NF1: variants seen among roughly 807,000 people sequenced by gnomAD.
NF1 encodes the protein neurofibromin.
NF1 carries 122 observed loss-of-function variants against 325.7 expected under a neutral mutation model. That is an observed-to-expected ratio of 0.37 (90% CI 0.32 to 0.44). NF1 has a LOEUF of 0.44. NF1 is among the 20% of genes least tolerant of loss of function. The probability of loss-of-function intolerance (pLI) is 1.00; values close to 1 mark genes in which losing one functional copy is unlikely to be tolerated. For synonymous variants in NF1, 1,091 were observed against 1,186.0 expected (o/e 0.92, Z 1.65); for missense variants, 2,140 against 3,415.4 (o/e 0.63, Z 9.31).
At chr17:31,188,153 A>G (rs1260280621) in intron 8 of NF1, among the ~76,000 whole-genome samples, 1 of 152,204 alleles carries the variant, frequency 6.6e-6, no homozygotes, top group African/African-American at 2.4e-5. Context: ...CTACCAGGAA[A>G]AAAACCACCA....
intron 57 of NF1, among the ~76,000 whole-genome samples, chr17:31,366,925 T>C (rs1229772870): frequency 6.6e-6 from 1 of 152,204 alleles, no homozygotes; most frequent in Non-Finnish European, 1.5e-5. Flanking sequence ...ATTGAGCGAT[T>C]TCTTGGTATA....
chr17:31,234,695 A>T (rs2067171428), intron 27 of NF1, among the ~76,000 whole-genome samples: 1 of 142,050 alleles, frequency 7.0e-6, no homozygotes, highest in South Asian at 2.2e-4. Flanking sequence ...AAAAAAAAAA[A>T]AGAATCATTT....
chr17:31,256,781 C>T (rs143074671), intron 31 of NF1, among the ~76,000 whole-genome samples: 3 of 152,252 alleles, frequency 2.0e-5, no homozygotes, highest in African/African-American at 7.2e-5. Flanking sequence ...GTCACCTTCA[C>T]CAGTTTCCCC....
At chr17:31,178,993 C>T (rs1194682479) in intron 5 of NF1, among the ~76,000 whole-genome samples, 1 of 152,200 alleles carries the variant, frequency 6.6e-6, no homozygotes, top group Non-Finnish European at 1.5e-5. Flanking sequence ...AGGAGTTGAA[C>T]TCAGCCCTGC....
chr17:31,136,819 G>T (rs1915823114), intron 1 of NF1: 1 of 152,112 alleles, frequency 6.6e-6, no homozygotes, highest in East Asian at 1.9e-4. Context: ...AGGCATGTAT[G>T]TGTAGGAAAA....
At chr17:31,353,611 C>T (rs2070205902) in intron 51 of NF1, among the ~76,000 whole-genome samples, 1 of 152,154 alleles carries the variant, frequency 6.6e-6, no homozygotes, top group South Asian at 2.1e-4. Flanking sequence ...GAGTGGGACC[C>T]CGACTCCAAA....
At position 31,230,927 on chromosome 17, in the gene NF1, T is replaced by G. The variant is rs2151432549; in HGVS notation, c.3197+2T>G. The stretch of plus-strand genomic sequence containing the variant: ...TGATGATGTAAAATGTCTTACAAGG[T>G]AAAAAAAGAATGACCTTCAAGTATT... On this transcript the variant is annotated splice_donor_variant, in intron 24 of 57. Coordinates refer to ENST00000358273, the MANE Select transcript of NF1 (RefSeq NM_001042492.3). LOFTEE classifies it high-confidence loss of function. The G allele has an allele frequency of 1.2e-6, 2 of 1,607,512 alleles. No homozygotes were observed. The highest frequency in any genetic ancestry group is 2.2e-5 in the South Asian group (2 of 90,614).
In NF1 at chr17:31,336,820, A is replaced by G. The variant is rs876660592; in HGVS notation, c.6333A>G (p.Val2111=). The stretch of plus-strand genomic sequence containing the variant: ...TCTTCCACGTTGTTACTTTCTTAGT[A>G]GCCACAGGTCCGCTCTCCCTTAGAG... ...PYLFHVVTFL[V]ATGPLSLRAS... is the part of the protein sequence containing the mutation. The change falls in exon 42 of 58, where the codon GTA becomes GTG. Residue 2111 remains valine, a synonymous_variant. Transcript: ENST00000358273. The surrounding 1 kb of genome is among the most constrained non-coding windows in gnomAD (Gnocchi z 5.5). 1 of 1,614,076 alleles carries G rather than the reference A, an allele frequency of 6.2e-7. No homozygotes were observed.
At chr17:31,107,703 C>T (rs1024919161) in intron 1 of NF1, among the ~76,000 whole-genome samples, 1 of 152,182 alleles carries the variant, frequency 6.6e-6, no homozygotes, top group South Asian at 2.1e-4. Context: ...AACCATTTCT[C>T]AAAGAACATG....
Position 31,356,356 on chromosome 17 carries a change from G to A in NF1, c.7616-104G>A, listed in dbSNP as rs1025278125. ...TATTAGAGCTTTCTTTGAGTCCTCA[G>A]TGAAAGCTTAAACACTTTATGTCCA... On this transcript the variant is annotated intron_variant, in intron 51 of 57. Transcript: ENST00000358273. 7 of 1,225,828 alleles carry A rather than the reference G, an allele frequency of 5.7e-6. 1 individual carries two copies. The African/African-American group carries it at 1.0e-4, about 18-fold the overall frequency. 75.9% of individuals were successfully genotyped at this position (1,225,828 alleles called of 1,614,324 possible). A position where few individuals can be genotyped will look rare whatever the true frequency, so the allele number is the denominator to read the frequency against.
chr17:31,266,503 C>G (rs2067791689), intron 36 of NF1, among the ~76,000 whole-genome samples: 1 of 152,180 alleles, frequency 6.6e-6, no homozygotes, highest in African/African-American at 2.4e-5. Context: ...CAGCTCTCAT[C>G]TCAGTTGCCA....
rs561521877 is a variant in NF1 at position 31,095,165 on chromosome 17, C to T, written c.-145C>T. 2.9e-6 allele frequency: 2 copies of T among 694,714 alleles called. No homozygotes were observed. The highest frequency in any genetic ancestry group is 1.5e-5 in the South Asian group (1 of 65,494). 43.0% of individuals were successfully genotyped at this position (694,714 alleles called of 1,614,324 possible). ...CCGCTCGGCGCTGACCCCCCATCCC[C>T]ACCCCCGTGGGAACACTGGGAGCCT... On this transcript the variant is annotated 5_prime_UTR_variant, in exon 1 of 58. Transcript: ENST00000358273.
intron 1 of NF1, among the ~76,000 whole-genome samples, chr17:31,133,997 T>TG (rs1424981756): frequency 6.6e-6 from 1 of 151,966 alleles, no homozygotes; most frequent in African/African-American, 2.4e-5. Flanking sequence ...TCCTAATGAG[T>TG]GTTAGGTGGT....
chr17:31,170,497 A>G (rs1466647413), intron 5 of NF1, among the ~76,000 whole-genome samples: 1 of 152,226 alleles, frequency 6.6e-6, no homozygotes, highest in African/African-American at 2.4e-5. Context: ...ACTTTATAGC[A>G]TTACAAAGTC....
In NF1 at chr17:31,352,302, A is replaced by G. The variant is rs1466552910; in HGVS notation, c.7503A>G (p.Glu2501=). The stretch of plus-strand genomic sequence containing the variant: ...CATGGTCCTCTCCCAAAGGTTCTGA[A>G]GGATACCTTGCAGCCACCTATCCAA... The part of the protein sequence containing the change: ...TQPWSSPKGS[E]GYLAATYPTV... Residue 2501 remains glutamate, a synonymous_variant, in exon 51 of 58, where the codon GAA becomes GAG. Transcript: ENST00000358273. The G allele has an allele frequency of 1.9e-6, 3 of 1,614,000 alleles. No homozygotes were observed. Among genetic ancestry groups the G allele is most frequent in the African/African-American group, 1.3e-5 (1 of 74,888 alleles).
At chr17:31,212,571 G>A (rs540861403) in intron 12 of NF1, among the ~76,000 whole-genome samples, 155 of 152,220 alleles carry the variant, frequency 1.0e-3, no homozygotes, top group African/African-American at 3.3e-3. Context: ...TTAGCTGGGC[G>A]TGGTGGTGCA....
chr17:31,322,094 T>TACACACACAC (rs71142046), intron 36 of NF1, among the ~76,000 whole-genome samples: 5,268 of 147,350 alleles, frequency 0.036, 309 homozygotes, highest in African/African-American at 0.12. Flanking sequence ...AGTGTGTGTA[T>TACACACACAC]ACACACACAC....
At chr17:31,372,501 T>C (rs2070662283) in intron 57 of NF1, among the ~76,000 whole-genome samples, 1 of 152,176 alleles carries the variant, frequency 6.6e-6, no homozygotes, top group Non-Finnish European at 1.5e-5. Flanking sequence ...AGTGAACTTT[T>C]AAAATGTAAA....
At chr17:31,252,733 C>CT in intron 30 of NF1, 1 of 559,880 alleles carries the variant, frequency 1.8e-6, no homozygotes, top group Middle Eastern at 4.1e-4. Context: ...ACATTTCTTG[C>CT]TGTTTTAGTG....
Sources: gnomAD v4.1 joint callset for allele counts (sites outside exome capture counted in the v4.1 genomes callset) on GRCh38, gnomAD v4.1.1 for gene constraint, Gnocchi (gnomAD v3.1) non-coding constraint, MANE v1.5 for transcripts, NCBI Gene and HGNC (gene_info 2026-07-23, HGNC 2026-07-21) for gene names.